The following WRN variants were observed in gnomAD, a reference collection of about 807,000 sequenced individuals.
WRN encodes WRN RecQ like helicase.
Under a neutral mutation model 180.7 loss-of-function variants are expected in WRN, and 149 were observed. The observed-to-expected ratio is 0.82, with a 90% CI of 0.72 to 0.94. The LOEUF (loss-of-function observed/expected upper bound fraction) is 0.94, where lower values mean the gene tolerates loss of function less well. WRN is among the 40% of genes least tolerant of loss of function. WRN has a pLI of 0.00. For missense variants in WRN, 1,661 were observed against 1,700.1 expected (o/e 0.98, Z 0.40); for synonymous variants, 548 against 568.9 (o/e 0.96, Z 0.52).
intron 1 of WRN, among the ~76,000 whole-genome samples, chr8:31,052,922 G>A (rs1270648142): frequency 6.6e-6 from 1 of 152,104 alleles, no homozygotes; most frequent in African/African-American, 2.4e-5. Context: ...CTGCCTGTTT[G>A]GAACACTGTG....
At chr8:31,128,149 G>T (rs182065210) in intron 23 of WRN, among the ~76,000 whole-genome samples, 1 of 152,002 alleles carries the variant, frequency 6.6e-6, no homozygotes, top group Admixed American at 6.5e-5. Flanking sequence ...AAGAGGTGGA[G>T]AAATCAACAA....
intron 1 of WRN, among the ~76,000 whole-genome samples, chr8:31,058,112 A>T (rs1331599168): frequency 1.3e-5 from 2 of 152,198 alleles, no homozygotes; most frequent in Admixed American, 1.3e-4. Context: ...ATTGATAGTG[A>T]GGTAAGGTTA....
chr8:31,059,188 C>A lies in WRN; in HGVS notation c.132C>A (p.Leu44=), dbSNP rs1060503820. ...CVRKSVFEDD[L]PFLEFTGSIV... ...GGAAGAGTGTTTTTGAAGATGACCT[C>A]CCCTTCTTAGAATTCACTGGATCCA... is the stretch of plus-strand genomic sequence containing the variant. Residue 44 remains leucine, a synonymous_variant, in exon 3 of 35, where the codon CTC becomes CTA. Coordinates refer to ENST00000298139, the MANE Select transcript of WRN (RefSeq NM_000553.6). 1.9e-6 allele frequency: 3 copies of A among 1,613,710 alleles called. No homozygotes were observed. Among genetic ancestry groups the A allele is most frequent in the Non-Finnish European group, 2.5e-6 (3 of 1,179,896 alleles).
chr8:31,076,558 T>C (rs1813102504), intron 8 of WRN, among the ~76,000 whole-genome samples: 1 of 152,138 alleles, frequency 6.6e-6, no homozygotes, highest in Non-Finnish European at 1.5e-5. Context: ...TTTGAAATTA[T>C]ATCTATATTA....
intron 1 of WRN, among the ~76,000 whole-genome samples, chr8:31,049,881 C>G (rs1359390344): frequency 6.6e-6 from 1 of 151,798 alleles, no homozygotes. Context: ...ATGTGTATTG[C>G]TGTTTATCTT....
chr8:31,144,642 C>CT (rs1802790894), intron 28 of WRN, among the ~76,000 whole-genome samples: 1 of 152,050 alleles, frequency 6.6e-6, no homozygotes, highest in Non-Finnish European at 1.5e-5. Flanking sequence ...TGGCCCATCT[C>CT]TAAGTGTTTA....
chr8:31,152,000 G>A (rs1803153792), intron 31 of WRN, among the ~76,000 whole-genome samples: 1 of 151,668 alleles, frequency 6.6e-6, no homozygotes, highest in Non-Finnish European at 1.5e-5. Context: ...TGGCCGAATA[G>A]GAAAAATATG....
intron 1 of WRN, among the ~76,000 whole-genome samples, chr8:31,043,309 A>G (rs750540164): frequency 1.2e-4 from 18 of 152,326 alleles, no homozygotes; most frequent in Admixed American, 3.3e-4. Flanking sequence ...AATTATGGCC[A>G]GGAGATGGAG....
chr8:31,103,389 G>T (rs918588887), intron 18 of WRN, among the ~76,000 whole-genome samples: 1 of 152,224 alleles, frequency 6.6e-6, no homozygotes, highest in African/African-American at 2.4e-5. Flanking sequence ...AGTGCAGTAG[G>T]TTTATTGACA....
intron 33 of WRN, among the ~76,000 whole-genome samples, chr8:31,166,158 T>C (rs1303521262): frequency 1.3e-5 from 2 of 152,154 alleles, no homozygotes; most frequent in African/African-American, 4.8e-5. Flanking sequence ...TTAAAGAACG[T>C]CTTTTCAGGT....
intron 16 of WRN, among the ~76,000 whole-genome samples, 194 bp downstream of exon 16, chr8:31,092,092 A>G (rs1813770447): frequency 6.6e-6 from 1 of 152,078 alleles, no homozygotes; most frequent in Non-Finnish European, 1.5e-5. Context: ...ATGAAAAAAA[A>G]AGTCCATGAT....
intron 11 of WRN, among the ~76,000 whole-genome samples, chr8:31,085,685 GTCTTAAAC>G (rs1355739187): frequency 7.2e-5 from 11 of 151,968 alleles, no homozygotes; most frequent in Non-Finnish European, 1.5e-4. Context: ...GCCCAGGATG[GTCTTAAAC>G]TCCTGGGCTC....
chr8:31,046,893 A>G (rs1416134712), intron 1 of WRN, among the ~76,000 whole-genome samples: 1 of 152,196 alleles, frequency 6.6e-6, no homozygotes, highest in Non-Finnish European at 1.5e-5. Flanking sequence ...GGAATTACAC[A>G]ATCACAAAAT....
At chr8:31,119,218 G>C (rs925405267) in intron 20 of WRN, among the ~76,000 whole-genome samples, 14 of 147,692 alleles carry the variant, frequency 9.5e-5, no homozygotes, top group African/African-American at 3.2e-4. Context: ...CGTATTCCTG[G>C]TCCATCTTAG....
intron 1 of WRN, among the ~76,000 whole-genome samples, chr8:31,041,136 A>G (rs17840557): frequency 0.015 from 2,301 of 152,258 alleles, 62 homozygotes; most frequent in African/African-American, 0.051. Flanking sequence ...CTGTCTCTGT[A>G]TCTATGAAGA....
chr8:31,036,430 A>G (rs1392618354), intron 1 of WRN, among the ~76,000 whole-genome samples: 3 of 152,118 alleles, frequency 2.0e-5, no homozygotes, highest in Admixed American at 6.5e-5. Flanking sequence ...TAATATTTTG[A>G]GTTATTTCCA....
chr8:31,126,657 C>G (rs1004278297), intron 23 of WRN, among the ~76,000 whole-genome samples: 2 of 152,088 alleles, frequency 1.3e-5, no homozygotes, highest in Non-Finnish European at 2.9e-5. Context: ...AATAGAAAAG[C>G]TATGGTCATA....
chr8:31,108,203 A>G (rs1801170399), intron 18 of WRN, among the ~76,000 whole-genome samples: 2 of 152,224 alleles, frequency 1.3e-5, no homozygotes. Context: ...TAAGAACTAA[A>G]TGACAGTATA....
intron 24 of WRN, among the ~76,000 whole-genome samples, chr8:31,135,954 A>C (rs1281922280): frequency 3.9e-5 from 6 of 152,194 alleles, no homozygotes; most frequent in Admixed American, 2.6e-4. Context: ...CCGATCAGTT[A>C]GATTTCCACA....
Sources: gnomAD v4.1 joint callset for allele counts (sites outside exome capture counted in the v4.1 genomes callset) on GRCh38, gnomAD v4.1.1 for gene constraint, MANE v1.5 for transcripts, NCBI Gene and HGNC (gene_info 2026-07-23, HGNC 2026-07-21) for gene names.